GLIPR1: variants seen among roughly 807,000 people sequenced by gnomAD.
GLIPR1 encodes the protein glioma pathogenesis-related protein 1.
Under a neutral mutation model 30.3 loss-of-function variants are expected in GLIPR1, and 38 were observed. The observed-to-expected ratio is 1.26, with a 90% CI of 0.97 to 1.65. The LOEUF is 1.65. GLIPR1 is among the 40% of genes most tolerant of loss of function. The probability of loss-of-function intolerance (pLI) is 0.00; values close to 1 mark genes in which losing one functional copy is unlikely to be tolerated. For missense variants in GLIPR1, 285 were observed against 326.5 expected (o/e 0.87, Z 0.98); for synonymous variants, 122 against 110.6 (o/e 1.10, Z -0.65).
At chr12:75,486,819 A>T (rs1217407354) in intron 2 of GLIPR1, among the ~76,000 whole-genome samples, 3 of 152,074 alleles carry the variant, frequency 2.0e-5, no homozygotes, top group African/African-American at 4.8e-5. Flanking sequence ...GTGGGGGTTG[A>T]CCACAAAGGG....
In GLIPR1 at chr12:75,482,091, C is replaced by T. The variant is rs201444126; in HGVS notation, c.420+12C>T. On this transcript the variant is annotated intron_variant, in intron 2 of 5. Transcript: ENST00000266659. ...GCCACTACACTCAGGTAAGGATCTGCCCTATATTATCTTGAAACTGTCTTT... is the reference window on the plus strand; with the variant it reads ...GCCACTACACTCAGGTAAGGATCTGTCCTATATTATCTTGAAACTGTCTTT... 603 of 1,608,836 alleles carry T rather than the reference C, an allele frequency of 3.7e-4. 3 individuals carry two copies. The highest frequency in any genetic ancestry group is 1.3e-3 in the Middle Eastern group (8 of 6,038).
Position 75,502,315 on chromosome 12 carries a change from A to C in GLIPR1, c.*3337A>C. Reference sequence around the variant, plus strand: ...GAAAATTTGAAGAAGCTTCAATGGCAGACAAAGTAGGAGGGATAAGATTTA... The same window carrying C: ...GAAAATTTGAAGAAGCTTCAATGGCCGACAAAGTAGGAGGGATAAGATTTA... On this transcript the variant is annotated 3_prime_UTR_variant, in exon 6 of 6. Coordinates refer to ENST00000266659, the MANE Select transcript of GLIPR1 (RefSeq NM_006851.3). 1 of 226,786 alleles carries C rather than the reference A, an allele frequency of 4.4e-6. No homozygotes were observed. Among genetic ancestry groups the C allele is most frequent in the Non-Finnish European group, 8.6e-6 (1 of 115,624 alleles). The allele number at this position is 226,786 out of a possible 1,614,324, so 14.0% of individuals were successfully genotyped here. A position where few individuals can be genotyped will look rare whatever the true frequency, so the allele number is the denominator to read the frequency against.
rs2046399523 is a variant in GLIPR1 at position 75,502,268 on chromosome 12, AAAC to A, written c.*3291_*3293del. The A allele has an allele frequency of 3.3e-6, 1 of 303,006 alleles. No individual in the cohort carries two copies. Among genetic ancestry groups the A allele is most frequent in the East Asian group, 5.8e-5 (1 of 17,142 alleles). The allele number at this position is 303,006 out of a possible 1,614,324, so 18.8% of individuals were successfully genotyped here. On this transcript the variant is annotated 3_prime_UTR_variant, in exon 6 of 6. Coordinates refer to ENST00000266659, the MANE Select transcript of GLIPR1 (RefSeq NM_006851.3). ...CACTGATTCAGAAAAGTGTGAGAAG[AAAC>A]TGGAGAGAGAGTTTTGGGGAAAATT...
At position 75,502,626 on chromosome 12, in the gene GLIPR1, A is replaced by ATTCTT. The variant is rs2046402568; in HGVS notation, c.*3650_*3654dup. ...ATTACTCATTTAATCCTCACTAACA[A>ATTCTT]TTCTTTAAGATAGGTATTACCATTA... On this transcript the variant is annotated 3_prime_UTR_variant, in exon 6 of 6. Coordinates refer to ENST00000266659, the MANE Select transcript of GLIPR1 (RefSeq NM_006851.3). 1 of 152,040 alleles carries ATTCTT rather than the reference A, an allele frequency of 6.6e-6. No homozygotes were observed. Among genetic ancestry groups the ATTCTT allele is most frequent in the Non-Finnish European group, 1.5e-5 (1 of 67,980 alleles). The allele number at this position is 152,040 out of a possible 1,614,324, so 9.4% of individuals were successfully genotyped here. A position where few individuals can be genotyped will look rare whatever the true frequency, so the allele number is the denominator to read the frequency against.
At chr12:75,495,749 CT>C (rs1397135301) in intron 4 of GLIPR1, 87 bp downstream of exon 4, 37 of 778,086 alleles carry the variant, frequency 4.8e-5, no homozygotes, top group Middle Eastern at 2.4e-4. Flanking sequence ...CATGTTTTAT[CT>C]TAACGGCTAT....
At chr12:75,481,742 T>C (rs770231922) in intron 1 of GLIPR1, 92 bp from the exon 2 acceptor site, 5 of 1,178,366 alleles carry the variant, frequency 4.2e-6, no homozygotes, top group Non-Finnish European at 5.0e-6. Context: ...CTTCTCTCCT[T>C]ATCTCACCTC....
Position 75,481,060 on chromosome 12 carries a change from G to A in GLIPR1, c.174+6G>A. 1 of 1,595,704 alleles carries A rather than the reference G, an allele frequency of 6.3e-7. No individual in the cohort carries two copies. Among genetic ancestry groups the A allele is most frequent in the South Asian group, 1.1e-5 (1 of 89,778 alleles). The stretch of plus-strand genomic sequence containing the variant: ...CCAGTGATATGCTATACATGGTAAG[G>A]AAAATATCATTAATTGTGGCGTCAG... On this transcript the variant is annotated splice_donor_region_variant and intron_variant, in intron 1 of 5. Transcript: ENST00000266659.
rs1239909998 is a variant in GLIPR1 at position 75,501,534 on chromosome 12, G to GAAAT, written c.*2558_*2561dup. 6 of 559,636 alleles carry GAAAT rather than the reference G, an allele frequency of 1.1e-5. No individual in the cohort carries two copies. Among genetic ancestry groups the GAAAT allele is most frequent in the Non-Finnish European group, 1.9e-5 (6 of 316,364 alleles). 34.7% of individuals were successfully genotyped at this position (559,636 alleles called of 1,614,324 possible). On this transcript the variant is annotated 3_prime_UTR_variant, in exon 6 of 6. Coordinates refer to ENST00000266659, the MANE Select transcript of GLIPR1 (RefSeq NM_006851.3). ...GAGGACTGTCAATCCAGTTTGCACT[G>GAAAT]AAATAGGCATTAGCTGCCTCTAAAT...
chr12:75,496,857 T>C (rs374182056), intron 4 of GLIPR1: 6 of 152,244 alleles, frequency 3.9e-5, no homozygotes, highest in Non-Finnish European at 7.3e-5. Flanking sequence ...TGAATACTTA[T>C]CTTTACATAC....
At chr12:75,490,876 T>C (rs1417656070) in intron 3 of GLIPR1, 5 of 157,368 alleles carry the variant, frequency 3.2e-5, no homozygotes, top group African/African-American at 1.2e-4. Context: ...TATTTATTGG[T>C]TTATTAGAAA....
intron 2 of GLIPR1, among the ~76,000 whole-genome samples, 186 bp downstream of exon 2, chr12:75,482,265 T>C (rs2046274822): frequency 6.6e-6 from 1 of 152,146 alleles, no homozygotes; most frequent in Admixed American, 6.5e-5. Context: ...AAACACATAA[T>C]AGGTAATATG....
Position 75,481,108 on chromosome 12 carries a change from T to C in GLIPR1, c.174+54T>C, listed in dbSNP as rs1007180134. 2.2e-6 allele frequency: 3 copies of C among 1,390,742 alleles called. No individual in the cohort carries two copies. The South Asian group carries it at 3.8e-5, about 17-fold the overall frequency. 86.2% of individuals were successfully genotyped at this position (1,390,742 alleles called of 1,614,324 possible). ...CAGTCAGTCAGAAACAACTAATGTG[T>C]ATTGACTTTGGTGTTAATACCTTCG... On this transcript the variant is annotated intron_variant, in intron 1 of 5. Transcript: ENST00000266659.
intron 3 of GLIPR1, chr12:75,492,516 CAA>C (rs1484671556): frequency 2.0e-5 from 3 of 152,170 alleles, no homozygotes; most frequent in African/African-American, 7.2e-5. Context: ...ATGAAAGTGA[CAA>C]GAGAAGGCTT....
chr12:75,490,454 C>A lies in GLIPR1; in HGVS notation c.469C>A (p.Pro157Thr). ...AGTTGGCTGCGCAGTTCAATTTTGCCCTAAAGTTTCTGGCTTTGACGCTCT... is the reference window on the plus strand; with the variant it reads ...AGTTGGCTGCGCAGTTCAATTTTGCACTAAAGTTTCTGGCTTTGACGCTCT... ...YKVGCAVQFC[P>T]KVSGFDALSN... Residue 157 changes from proline to threonine, a missense_variant, in exon 3 of 6, where the codon CCT becomes ACT. By Grantham distance (38) the Pro-to-Thr change is conservative (BLOSUM62 -1). Coordinates refer to ENST00000266659, the MANE Select transcript of GLIPR1 (RefSeq NM_006851.3). The A allele has an allele frequency of 6.3e-7, 1 of 1,598,270 alleles. No individual in the cohort carries two copies. The highest frequency in any genetic ancestry group is 8.5e-7 in the Non-Finnish European group (1 of 1,171,348).
chr12:75,495,995 TCG>T, intron 4 of GLIPR1: 1 of 159,830 alleles, frequency 6.3e-6, no homozygotes, highest in Non-Finnish European at 1.3e-5. Flanking sequence ...AATTCTGTTT[TCG>T]TTTTTTTTTT....
Position 75,503,823 on chromosome 12 carries a change from T to G in GLIPR1, c.*4845T>G, listed in dbSNP as rs2046410093. On this transcript the variant is annotated 3_prime_UTR_variant, in exon 6 of 6. Coordinates refer to ENST00000266659, the MANE Select transcript of GLIPR1 (RefSeq NM_006851.3). Reference sequence around the variant, plus strand: ...TATATATATATACACATATCCCACCTGAAATACTTTCAATAAAGTTTCTGA... The same window carrying G: ...TATATATATATACACATATCCCACCGGAAATACTTTCAATAAAGTTTCTGA... The G allele has an allele frequency of 5.6e-6, 7 of 1,260,704 alleles. No individual in the cohort carries two copies. In the South Asian group the frequency reaches 7.3e-5, roughly 13 times the overall value. 78.1% of individuals were successfully genotyped at this position (1,260,704 alleles called of 1,614,324 possible).
intron 2 of GLIPR1, among the ~76,000 whole-genome samples, chr12:75,488,964 C>T (rs1322070321): frequency 6.6e-6 from 1 of 152,194 alleles, no homozygotes; most frequent in African/African-American, 2.4e-5. Flanking sequence ...GTTCTTATGA[C>T]AAAATTGCTC....
In GLIPR1 at chr12:75,499,044, T is replaced by C. The variant is rs1566101765; in HGVS notation, c.*66T>C. 1 of 1,018,302 alleles carries C rather than the reference T, an allele frequency of 9.8e-7. No individual in the cohort carries two copies. Among genetic ancestry groups the C allele is most frequent in the Admixed American group, 2.6e-5 (1 of 38,234 alleles). The allele number at this position is 1,018,302 out of a possible 1,614,324, so 63.1% of individuals were successfully genotyped here. ...CACATATGGCTTTTTTTTTAACCAA[T>C]AACAATTAGGTGTACTTCTATTTTA... is the stretch of plus-strand genomic sequence containing the variant. On this transcript the variant is annotated 3_prime_UTR_variant, in exon 6 of 6. Transcript: ENST00000266659.
At chr12:75,491,056 T>C (rs1468074886) in intron 3 of GLIPR1, 2 of 152,262 alleles carry the variant, frequency 1.3e-5, no homozygotes, top group Non-Finnish European at 2.9e-5. Flanking sequence ...GCTTGTGTCA[T>C]ACACATATTT....
Sources: gnomAD v4.1 joint callset for allele counts (sites outside exome capture counted in the v4.1 genomes callset) on GRCh38, gnomAD v4.1.1 for gene constraint, MANE v1.5 for transcripts, NCBI Gene and HGNC (gene_info 2026-07-23, HGNC 2026-07-21) for gene names.